THSD7B: variants seen among roughly 807,000 people sequenced by gnomAD.
THSD7B encodes the protein thrombospondin type-1 domain-containing protein 7B.
THSD7B carries 138 observed loss-of-function variants against 213.6 expected under a neutral mutation model. The observed-to-expected ratio is 0.65, with a 90% CI of 0.56 to 0.74. The LOEUF is 0.74. Ranked by LOEUF, THSD7B falls within the 30% of genes least tolerant of loss-of-function variation. THSD7B has a pLI of 0.00. For synonymous variants in THSD7B, 742 were observed against 687.0 expected, an observed-to-expected ratio of 1.08 and a Z score of -1.25; for missense variants, 1,931 against 1,991.5, an observed-to-expected ratio of 0.97 and a Z score of 0.58.
At chr2:137,597,468 G>GTTT (rs5834565) in intron 17 of THSD7B, among the ~76,000 whole-genome samples, 5 of 143,584 alleles carry the variant, frequency 3.5e-5, no homozygotes, top group African/African-American at 1.0e-4. Flanking sequence ...AAAAAAACCT[G>GTTT]TTTTTTTTTT....
chr2:137,123,364 C>T (rs1264614721), intron 5 of THSD7B, among the ~76,000 whole-genome samples: 1 of 152,132 alleles, frequency 6.6e-6, no homozygotes, highest in East Asian at 1.9e-4. Flanking sequence ...CACAGTGCCC[C>T]TGGAGATTTT....
chr2:137,329,566 C>T (rs772695254), intron 12 of THSD7B, among the ~76,000 whole-genome samples: 4 of 152,108 alleles, frequency 2.6e-5, no homozygotes, highest in Non-Finnish European at 4.4e-5. Context: ...GGGGTTTCAC[C>T]ATGTTGGCCA....
intron 16 of THSD7B, 114 bp from the exon 17 acceptor site, chr2:137,572,292 G>T: frequency 7.7e-7 from 1 of 1,290,806 alleles, no homozygotes; most frequent in Admixed American, 2.3e-5. Flanking sequence ...TGGTTTCTGT[G>T]CTGGTCTTAT....
chr2:137,187,995 T>C (rs1255372907), intron 7 of THSD7B, among the ~76,000 whole-genome samples: 1 of 152,184 alleles, frequency 6.6e-6, no homozygotes, highest in Admixed American at 6.6e-5. Flanking sequence ...TGTTTAGAAC[T>C]ACCAGCTCTA....
At chr2:137,298,800 A>G (rs1179533267) in intron 12 of THSD7B, among the ~76,000 whole-genome samples, 1 of 152,070 alleles carries the variant, frequency 6.6e-6, no homozygotes, top group East Asian at 1.9e-4. Flanking sequence ...AGGTTTGGAA[A>G]CCTCTGCCTA....
intron 7 of THSD7B, among the ~76,000 whole-genome samples, chr2:137,212,373 C>T (rs982519890): frequency 6.6e-6 from 1 of 151,928 alleles, no homozygotes; most frequent in Non-Finnish European, 1.5e-5. Flanking sequence ...GTTATTCTAT[C>T]AGAATTATGA....
chr2:137,104,091 A>G (rs1467276198), intron 4 of THSD7B, among the ~76,000 whole-genome samples: 1 of 152,210 alleles, frequency 6.6e-6, no homozygotes, highest in Non-Finnish European at 1.5e-5. Flanking sequence ...TCTTCTCAGC[A>G]CCACATCACA....
intron 15 of THSD7B, among the ~76,000 whole-genome samples, chr2:137,519,129 A>G (rs1009997191): frequency 2.0e-5 from 3 of 152,088 alleles, no homozygotes; most frequent in Non-Finnish European, 4.4e-5. Flanking sequence ...GCGTGCGCCT[A>G]TAGTCCCAGC....
chr2:137,198,953 T>C (rs758686916), intron 7 of THSD7B, among the ~76,000 whole-genome samples: 1 of 152,188 alleles, frequency 6.6e-6, no homozygotes, highest in Non-Finnish European at 1.5e-5. Context: ...TCGGGAGATT[T>C]GTATGTCCAG....
Position 137,401,146 on chromosome 2 carries a change from A to G in THSD7B, c.2501-4467A>G, listed in dbSNP as rs191716435. ...GTTCTCTGATTTAAGGACACTATAT[A>G]TCTTTAATATTGGCCCCAGAATTAT... On this transcript the variant is annotated intron_variant, in intron 12 of 27. Transcript: ENST00000409968. Among the ~76,000 whole-genome samples, 29 of 152,304 alleles carry G rather than the reference A, an allele frequency of 1.9e-4. 1 individual carries two copies. The South Asian group carries it at 5.8e-3, about 30-fold the overall frequency.
chr2:136,911,780 T>C (rs1684262265), intron 2 of THSD7B, among the ~76,000 whole-genome samples: 1 of 152,202 alleles, frequency 6.6e-6, no homozygotes, highest in Non-Finnish European at 1.5e-5. Context: ...CTACTACTAC[T>C]ACAAGAGAGC....
chr2:137,097,098 G>A (rs1688052938), intron 4 of THSD7B, among the ~76,000 whole-genome samples: 1 of 152,064 alleles, frequency 6.6e-6, no homozygotes, highest in Non-Finnish European at 1.5e-5. Context: ...ATACAGGCAG[G>A]AATAAAATCT....
intron 14 of THSD7B, among the ~76,000 whole-genome samples, chr2:137,429,843 GTTGGTT>G: frequency 6.6e-6 from 1 of 152,268 alleles, no homozygotes; most frequent in East Asian, 1.9e-4. Flanking sequence ...TGTTATTTGA[GTTGGTT>G]TTATTTTTTT....
At chr2:137,522,936 T>C (rs1254113840) in intron 15 of THSD7B, among the ~76,000 whole-genome samples, 1 of 152,242 alleles carries the variant, frequency 6.6e-6, no homozygotes, top group Non-Finnish European at 1.5e-5. Flanking sequence ...CATTCATCTT[T>C]AAATATCTCT....
intron 3 of THSD7B, among the ~76,000 whole-genome samples, chr2:137,086,208 A>G (rs2104909321): frequency 6.6e-6 from 1 of 152,114 alleles, no homozygotes; most frequent in Middle Eastern, 3.4e-3. Context: ...GTGATGGTGC[A>G]CGCCTGTAAT....
At chr2:137,269,356 C>T (rs1398090293) in intron 10 of THSD7B, among the ~76,000 whole-genome samples, 3 of 152,198 alleles carry the variant, frequency 2.0e-5, no homozygotes, top group South Asian at 2.1e-4. Flanking sequence ...AGGCAGACTA[C>T]GTCTGTATGC....
chr2:137,229,350 G>GGTGTGT (rs143029313), intron 7 of THSD7B, among the ~76,000 whole-genome samples: 7 of 150,044 alleles, frequency 4.7e-5, no homozygotes, highest in African/African-American at 7.3e-5. Flanking sequence ...TGCTGTATTG[G>GGTGTGT]GTGTGTGTGT....
chr2:137,451,554 T>C (rs996765730), intron 15 of THSD7B, among the ~76,000 whole-genome samples: 2 of 151,606 alleles, frequency 1.3e-5, no homozygotes, highest in Non-Finnish European at 2.9e-5. Flanking sequence ...CTTCTTTACC[T>C]GCTTTCTCAA....
intron 15 of THSD7B, among the ~76,000 whole-genome samples, chr2:137,531,370 G>A (rs10496772): frequency 0.17 from 25,305 of 151,816 alleles, 2,249 homozygotes; most frequent in South Asian, 0.28. Flanking sequence ...GTTGAGCAAA[G>A]TAAGGATATG....
Sources: gnomAD v4.1 joint callset for allele counts (sites outside exome capture counted in the v4.1 genomes callset) on GRCh38, gnomAD v4.1.1 for gene constraint, MANE v1.5 for transcripts, NCBI Gene and HGNC (gene_info 2026-07-23, HGNC 2026-07-21) for gene names.